ZMAT4: variants seen among roughly 807,000 people sequenced by gnomAD.
The protein encoded by ZMAT4 is zinc finger matrin-type 4, also known as zinc finger matrin-type protein 4.
In ZMAT4, 17 loss-of-function variants were observed where a neutral mutation model predicts 28.7. The observed-to-expected ratio is 0.59, with a 90% CI of 0.41 to 0.89. The LOEUF (loss-of-function observed/expected upper bound fraction) is 0.89, where lower values mean the gene tolerates loss of function less well. ZMAT4 is among the 40% of genes least tolerant of loss of function. The probability of loss-of-function intolerance (pLI) is 0.00; values close to 1 mark genes in which losing one functional copy is unlikely to be tolerated. For missense variants in ZMAT4, 240 were observed against 283.8 expected, an observed-to-expected ratio of 0.85 and a Z score of 1.11; for synonymous variants, 117 against 109.2, an observed-to-expected ratio of 1.07 and a Z score of -0.44.
intron 1 of ZMAT4, among the ~76,000 whole-genome samples, chr8:40,854,558 G>C (rs1264667553): frequency 1.3e-5 from 2 of 152,212 alleles, no homozygotes; most frequent in Non-Finnish European, 2.9e-5. Flanking sequence ...TCAGGCAGAA[G>C]GGATTCCAGG....
intron 1 of ZMAT4, among the ~76,000 whole-genome samples, chr8:40,839,781 G>A (rs546699309): frequency 5.3e-5 from 8 of 152,350 alleles, no homozygotes; most frequent in South Asian, 4.1e-4. Flanking sequence ...GACATAGAGT[G>A]TGGAGTGAAA....
rs1817861132 is a variant in ZMAT4, at chr8:40,871,660, T to G, written c.-5+26023A>C. Among the ~76,000 whole-genome samples, 4 of 152,174 alleles carry G rather than the reference T, an allele frequency of 2.6e-5. No homozygotes were observed. The South Asian group carries it at 8.3e-4, about 32-fold the overall frequency. Reference sequence around the variant, plus strand: ...ACCATTGCCAATAGTGAGTTTGGTCTTCCCAAGAGGAATAAGACAACCCAC... The same window carrying G: ...ACCATTGCCAATAGTGAGTTTGGTCGTCCCAAGAGGAATAAGACAACCCAC... On this transcript the variant is annotated intron_variant, in intron 1 of 6. Transcript: ENST00000297737.
At chr8:40,795,351 C>T (rs897745019) in intron 2 of ZMAT4, among the ~76,000 whole-genome samples, 1 of 152,146 alleles carries the variant, frequency 6.6e-6, no homozygotes, top group Non-Finnish European at 1.5e-5. Context: ...GAGGTCTGTC[C>T]ATCAGGCAGC....
At chr8:40,721,316 T>A (rs1343499169) in intron 3 of ZMAT4, among the ~76,000 whole-genome samples, 66 of 130,684 alleles carry the variant, frequency 5.1e-4, no homozygotes, top group African/African-American at 1.8e-3. Flanking sequence ...ACTCATCATT[T>A]TTTATGGCTG....
At chr8:40,551,587 C>T (rs911160293) in intron 6 of ZMAT4, among the ~76,000 whole-genome samples, 7 of 152,140 alleles carry the variant, frequency 4.6e-5, no homozygotes, top group East Asian at 3.9e-4. Flanking sequence ...TACCTCTGAG[C>T]GGGACAGATC....
chr8:40,820,997 GTA>G (rs1815803811), intron 2 of ZMAT4, among the ~76,000 whole-genome samples: 1 of 151,256 alleles, frequency 6.6e-6, no homozygotes, highest in Admixed American at 6.6e-5. Context: ...TTATGTGTGT[GTA>G]TGTGTATATG....
rs139883107 is a variant in ZMAT4, at chr8:40,581,589, C to T, written c.578-328G>A. On this transcript the variant is annotated intron_variant, in intron 5 of 6. Coordinates refer to ENST00000297737, the MANE Select transcript of ZMAT4 (RefSeq NM_024645.3). ...CTCTAGATCATATAGACATAATACA[C>T]TGTCATCTCTGCAGTGAAATTTGAG... 2.5e-3 allele frequency among the ~76,000 whole-genome samples: 380 copies of T among 152,332 alleles called. 4 individuals are homozygous for T. The highest frequency in any genetic ancestry group is 8.7e-3 in the African/African-American group (361 of 41,576).
intron 2 of ZMAT4, among the ~76,000 whole-genome samples, chr8:40,781,761 CAAAAAAAAAAA>C (rs59432510): frequency 2.1e-4 from 8 of 38,512 alleles, no homozygotes; most frequent in Admixed American, 5.2e-4. Flanking sequence ...GACTCCGTCT[CAAAAAAAAAAA>C]AAAAAAAAAA....
chr8:40,687,095 T>C (rs541158854), intron 4 of ZMAT4, among the ~76,000 whole-genome samples: 1 of 152,196 alleles, frequency 6.6e-6, no homozygotes, highest in Non-Finnish European at 1.5e-5. Context: ...CTATCTACGA[T>C]GTTTTACAGA....
chr8:40,741,310 G>A (rs932376722), intron 3 of ZMAT4, among the ~76,000 whole-genome samples: 3 of 151,962 alleles, frequency 2.0e-5, no homozygotes, highest in Non-Finnish European at 4.4e-5. Flanking sequence ...AGCCAGGCGT[G>A]GTGGCATGCA....
intron 1 of ZMAT4, among the ~76,000 whole-genome samples, chr8:40,876,219 C>T (rs1422514237): frequency 6.6e-6 from 1 of 152,178 alleles, no homozygotes; most frequent in African/African-American, 2.4e-5. Flanking sequence ...CCCTCCTATG[C>T]CTCCTCAACA....
At chr8:40,877,203 T>C (rs1586208217) in intron 1 of ZMAT4, among the ~76,000 whole-genome samples, 1 of 152,298 alleles carries the variant, frequency 6.6e-6, no homozygotes, top group East Asian at 1.9e-4. Flanking sequence ...CAGGGGCAGA[T>C]CCTTCCCTCA....
At chr8:40,766,503 TA>T (rs112788488) in intron 3 of ZMAT4, among the ~76,000 whole-genome samples, 1,661 of 151,360 alleles carry the variant, frequency 0.011, 21 homozygotes, top group African/African-American at 0.038. Flanking sequence ...CGCTAAGGGC[TA>T]AAAAAAAACT....
chr8:40,604,027 C>T (rs919093173), intron 5 of ZMAT4, among the ~76,000 whole-genome samples: 14 of 152,054 alleles, frequency 9.2e-5, no homozygotes, highest in Admixed American at 7.9e-4. Flanking sequence ...AGCTTGGTTG[C>T]TTTTGGCGTA....
chr8:40,848,146 C>T (rs752866103), intron 1 of ZMAT4, among the ~76,000 whole-genome samples: 4 of 152,074 alleles, frequency 2.6e-5, no homozygotes, highest in Admixed American at 6.5e-5. Flanking sequence ...CAAAGGAAAA[C>T]GAAACCCAAC....
intron 3 of ZMAT4, among the ~76,000 whole-genome samples, chr8:40,745,646 G>A (rs1008484172): frequency 4.6e-5 from 7 of 152,152 alleles, no homozygotes; most frequent in Middle Eastern, 3.4e-3. Flanking sequence ...GAAAGAGGAC[G>A]GCAGATGGCA....
intron 5 of ZMAT4, among the ~76,000 whole-genome samples, chr8:40,598,943 T>C (rs755146609): frequency 6.6e-6 from 1 of 152,122 alleles, no homozygotes; most frequent in Non-Finnish European, 1.5e-5. Context: ...GAGGAGGAGT[T>C]TGACTGCAAA....
chr8:40,831,527 C>T (rs1320161321), intron 1 of ZMAT4, among the ~76,000 whole-genome samples: 1 of 152,220 alleles, frequency 6.6e-6, no homozygotes, highest in Non-Finnish European at 1.5e-5. Flanking sequence ...CTCCTCCAGC[C>T]CAGTCCCTTG....
intron 5 of ZMAT4, among the ~76,000 whole-genome samples, chr8:40,595,071 AG>A (rs954039960): frequency 6.6e-6 from 1 of 152,240 alleles, no homozygotes; most frequent in Non-Finnish European, 1.5e-5. Flanking sequence ...CCAGATAAAA[AG>A]AAAAAGCAAA....
Sources: allele counts gnomAD v4.1 joint callset (sites outside exome capture counted in the v4.1 genomes callset), GRCh38; gene constraint gnomAD v4.1.1; transcripts MANE v1.5; gene names NCBI Gene and HGNC (gene_info 2026-07-23, HGNC 2026-07-21).